The following PDGFD variants were observed in gnomAD, a reference collection of about 807,000 sequenced individuals.
PDGFD encodes platelet-derived growth factor D.
Under a neutral mutation model 44.7 loss-of-function variants are expected in PDGFD, and 30 were observed. That is an observed-to-expected ratio of 0.67 (90% CI 0.50 to 0.91). The LOEUF (loss-of-function observed/expected upper bound fraction) is 0.91. Ranked by LOEUF, PDGFD falls within the 40% of genes least tolerant of loss-of-function variation. The probability of loss-of-function intolerance (pLI) is 0.00; values close to 1 mark genes in which losing one functional copy is unlikely to be tolerated. For missense variants in PDGFD, 445 were observed against 457.8 expected (o/e 0.97, Z 0.25); for synonymous variants, 173 against 168.4 (o/e 1.03, Z -0.21).
rs1591167759 is a variant in PDGFD at position 104,108,814 on chromosome 11, A to T, written c.124+54990T>A. Among the ~76,000 whole-genome samples the T allele has an allele frequency of 3.3e-5, 5 of 152,268 alleles. No homozygotes were observed. In the South Asian group the frequency reaches 1.0e-3, roughly 32 times the overall value. On this transcript the variant is annotated intron_variant, in intron 1 of 6. Coordinates refer to ENST00000393158, the MANE Select transcript of PDGFD (RefSeq NM_025208.5). The stretch of plus-strand genomic sequence containing the variant: ...TTGGAACCAACCCAAATGTCCATCG[A>T]CGATAGACTGGATTAAGAAAATGTG...
intron 1 of PDGFD, among the ~76,000 whole-genome samples, chr11:104,047,522 C>T (rs1591137963): frequency 6.8e-6 from 1 of 147,128 alleles, no homozygotes; most frequent in Admixed American, 6.8e-5. Flanking sequence ...TGTTTGTTGG[C>T]TGCATAAACA....
intron 1 of PDGFD, among the ~76,000 whole-genome samples, chr11:104,142,737 TG>T: frequency 6.6e-6 from 1 of 152,284 alleles, no homozygotes; most frequent in South Asian, 2.1e-4. Context: ...TTCCAGGAAG[TG>T]ATGTTGCTGT....
intron 1 of PDGFD, among the ~76,000 whole-genome samples, chr11:104,090,848 G>A (rs577718878): frequency 1.3e-5 from 2 of 152,088 alleles, no homozygotes; most frequent in Non-Finnish European, 2.9e-5. Flanking sequence ...CCTGGAATGT[G>A]CCACATTATT....
intron 1 of PDGFD, among the ~76,000 whole-genome samples, chr11:104,097,344 A>G (rs1004326602): frequency 6.6e-6 from 1 of 152,208 alleles, no homozygotes; most frequent in Non-Finnish European, 1.5e-5. Context: ...ATGATTTGTC[A>G]CATATACAAG....
chr11:104,055,554 A>G (rs1219929464), intron 1 of PDGFD, among the ~76,000 whole-genome samples: 1 of 152,252 alleles, frequency 6.6e-6, no homozygotes, highest in East Asian at 1.9e-4. Context: ...CATAGTAAAA[A>G]GAAGTAATTG....
chr11:103,922,604 C>T (rs1179720077), intron 6 of PDGFD, among the ~76,000 whole-genome samples: 1 of 152,130 alleles, frequency 6.6e-6, no homozygotes, highest in Non-Finnish European at 1.5e-5. Context: ...GGCTAGAGTG[C>T]AGTTGCATGA....
intron 1 of PDGFD, among the ~76,000 whole-genome samples, chr11:104,091,987 T>C (rs1339604912): frequency 1.3e-5 from 2 of 152,168 alleles, no homozygotes; most frequent in Non-Finnish European, 2.9e-5. Context: ...TTTCTATACA[T>C]TTTCTACACA....
chr11:103,920,705 T>C (rs1446699253), intron 6 of PDGFD, among the ~76,000 whole-genome samples: 1 of 152,252 alleles, frequency 6.6e-6, no homozygotes, highest in Non-Finnish European at 1.5e-5. Context: ...TTGTACTTTA[T>C]AGTCTTCAGA....
At position 104,156,552 on chromosome 11, in the gene PDGFD, C is replaced by T. The variant is rs563573891; in HGVS notation, c.124+7252G>A. ...TGACTTCTCATAATGAAAGACAGCT[C>T]CCATGCCTGGGCTATGATGCTTCCA... On this transcript the variant is annotated intron_variant, in intron 1 of 6. Transcript: ENST00000393158. 2.2e-4 allele frequency among the ~76,000 whole-genome samples: 33 copies of T among 152,164 alleles called. No individual in the cohort carries two copies. In the South Asian group the frequency reaches 6.9e-3, roughly 32 times the overall value.
intron 1 of PDGFD, among the ~76,000 whole-genome samples, chr11:104,054,864 G>A (rs1037476754): frequency 6.6e-6 from 1 of 152,200 alleles, no homozygotes; most frequent in Non-Finnish European, 1.5e-5. Flanking sequence ...TCGGAGAGGA[G>A]GAGATACAAA....
At chr11:104,037,026 T>A in intron 1 of PDGFD, 1 of 1,614,230 alleles carries the variant, frequency 6.2e-7, no homozygotes, top group African/African-American at 1.3e-5. Context: ...GCCTCAAAGA[T>A]GGCGATATCG....
At chr11:104,022,492 A>C (rs900942969) in intron 1 of PDGFD, among the ~76,000 whole-genome samples, 2 of 152,240 alleles carry the variant, frequency 1.3e-5, no homozygotes, top group Admixed American at 6.5e-5. Flanking sequence ...CCTGCAGCAC[A>C]AATAAAGAAT....
chr11:104,059,313 C>A (rs1860672801), intron 1 of PDGFD, among the ~76,000 whole-genome samples: 1 of 152,282 alleles, frequency 6.6e-6, no homozygotes. Context: ...TAAATACAAT[C>A]TTCATATGTA....
chr11:104,154,462 A>G (rs1268900277), intron 1 of PDGFD, among the ~76,000 whole-genome samples: 1 of 152,180 alleles, frequency 6.6e-6, no homozygotes, highest in East Asian at 1.9e-4. Context: ...GAAACAATAA[A>G]TCACAGTGAC....
chr11:104,140,969 C>T (rs1227563258), intron 1 of PDGFD, among the ~76,000 whole-genome samples: 28 of 152,176 alleles, frequency 1.8e-4, no homozygotes, highest in Non-Finnish European at 5.9e-5. Context: ...TTCACTGGTT[C>T]TCCAATTCAT....
intron 3 of PDGFD, among the ~76,000 whole-genome samples, chr11:103,973,212 C>T (rs746367337): frequency 3.6e-4 from 54 of 149,946 alleles, no homozygotes; most frequent in African/African-American, 1.3e-3. Context: ...GATCTTGGCT[C>T]ACTGCAAGCT....
chr11:103,998,885 G>T (rs1859577803), intron 2 of PDGFD, among the ~76,000 whole-genome samples: 1 of 152,148 alleles, frequency 6.6e-6, no homozygotes, highest in African/African-American at 2.4e-5. Flanking sequence ...TATTGGAAGT[G>T]TTCTATGGGC....
intron 1 of PDGFD, among the ~76,000 whole-genome samples, chr11:104,065,406 A>C (rs935542511): frequency 6.6e-6 from 1 of 152,134 alleles, no homozygotes; most frequent in Admixed American, 6.5e-5. Context: ...GCCTTACTAA[A>C]GGTTTGGATT....
intron 2 of PDGFD, 144 bp downstream of exon 2, chr11:103,999,907 G>A: frequency 1.7e-6 from 1 of 593,514 alleles, no homozygotes; most frequent in Non-Finnish European, 2.9e-6. Context: ...TGTCTGTTAG[G>A]GTCTTTAGGC....
Sources: gnomAD v4.1 joint callset for allele counts (sites outside exome capture counted in the v4.1 genomes callset) on GRCh38, gnomAD v4.1.1 for gene constraint, MANE v1.5 for transcripts, NCBI Gene and HGNC (gene_info 2026-07-23, HGNC 2026-07-21) for gene names.